SEMA5B: variants seen among roughly 807,000 people sequenced by gnomAD.
The protein encoded by SEMA5B is semaphorin 5B.
A neutral mutation model predicts 135.0 loss-of-function variants in SEMA5B; 66 were observed. The observed-to-expected ratio is 0.49, with a 90% confidence interval of 0.40 to 0.60. The LOEUF is 0.60. Among genes scored for constraint, SEMA5B ranks in the 20% least tolerant of loss-of-function variants. The pLI is 0.00. For missense variants in SEMA5B, 1,501 were observed against 1,566.3 expected, an observed-to-expected ratio of 0.96 and a Z score of 0.70; for synonymous variants, 690 against 639.5, an observed-to-expected ratio of 1.08 and a Z score of -1.19.
intron 2 of SEMA5B, among the ~76,000 whole-genome samples, chr3:122,952,229 A>C (rs1940085086): frequency 2.6e-5 from 4 of 152,150 alleles, no homozygotes; most frequent in Admixed American, 2.6e-4. Context: ...ACTCACATGG[A>C]ATTTATCCTC....
intron 1 of SEMA5B, chr3:122,993,389 A>T (rs1941936165): frequency 6.6e-6 from 1 of 152,172 alleles, no homozygotes; most frequent in South Asian, 2.1e-4. Flanking sequence ...TGTTTCCTCA[A>T]AGCTGCCTGA....
chr3:122,988,982 G>T (rs1277411476), intron 1 of SEMA5B, among the ~76,000 whole-genome samples: 1 of 152,242 alleles, frequency 6.6e-6, no homozygotes, highest in African/African-American at 2.4e-5. Flanking sequence ...ATCCCATCGC[G>T]TAATCCCACC....
At chr3:122,956,852 G>A (rs1940342005) in intron 2 of SEMA5B, among the ~76,000 whole-genome samples, 1 of 152,174 alleles carries the variant, frequency 6.6e-6, no homozygotes, top group Admixed American at 6.5e-5. Flanking sequence ...GGGAAAAAAC[G>A]TCCTGGGAAA....
intron 9 of SEMA5B, among the ~76,000 whole-genome samples, chr3:122,924,374 G>A (rs773625260): frequency 6.6e-6 from 1 of 152,030 alleles, no homozygotes; most frequent in Non-Finnish European, 1.5e-5. Context: ...TCTCCCAAAT[G>A]TGTCCATTTC....
At chr3:122,925,451 G>C (rs903546110) in intron 9 of SEMA5B, among the ~76,000 whole-genome samples, 1 of 151,980 alleles carries the variant, frequency 6.6e-6, no homozygotes, top group African/African-American at 2.4e-5. Context: ...GGCAGATCAC[G>C]AGGTCAGGAG....
At chr3:122,917,084 A>C (rs1239037360) in intron 12 of SEMA5B, among the ~76,000 whole-genome samples, 1 of 152,224 alleles carries the variant, frequency 6.6e-6, no homozygotes, top group Admixed American at 6.5e-5. Context: ...TTTGCTATCC[A>C]TTGCTAAGTA....
At chr3:122,928,037 C>T (rs1004177554) in intron 7 of SEMA5B, 34 bp from the exon 8 acceptor site, 1 of 1,413,782 alleles carries the variant, frequency 7.1e-7, no homozygotes, top group Non-Finnish European at 9.4e-7. Flanking sequence ...ACACTTTTCC[C>T]TGAGGCCCTG....
chr3:122,985,251 G>A (rs1941662781), intron 1 of SEMA5B, among the ~76,000 whole-genome samples: 1 of 152,206 alleles, frequency 6.6e-6, no homozygotes, highest in African/African-American at 2.4e-5. Context: ...CCAGCACTTT[G>A]AGAGGCCAAG....
chr3:122,979,263 C>T (rs1016469020), intron 1 of SEMA5B, among the ~76,000 whole-genome samples: 5 of 152,158 alleles, frequency 3.3e-5, no homozygotes, highest in African/African-American at 9.7e-5. Context: ...CATTCAGGAT[C>T]GGAGCAGCAG....
rs375396447 is a variant in SEMA5B at position 122,926,630 on chromosome 3, A to G, written c.898T>C (p.Phe300Leu). ...AYDIGLFAYF[F>L]LRENAVEHDC... ...TGCTCCACTGCGTTCTCCCGCAGGA[A>G]GAAGTATGCAAACAGCCCAATATCA... The change falls in exon 9 of 23, where the codon TTC (phenylalanine) becomes CTC (leucine). Residue 300 changes from phenylalanine (F) to leucine (L), a missense_variant. Around this residue, in one of 2 missense-constraint regions of SEMA5B, gnomAD observed 574 missense variants for 684.7 expected, o/e 0.84. Transcript: ENST00000357599. The G allele has an allele frequency of 4.3e-6, 7 of 1,614,236 alleles. No homozygotes were observed. Among genetic ancestry groups the G allele is most frequent in the Non-Finnish European group, 5.9e-6 (7 of 1,180,026 alleles).
At chr3:123,017,014 C>T (rs1001836976) in intron 1 of SEMA5B, among the ~76,000 whole-genome samples, 1 of 151,542 alleles carries the variant, frequency 6.6e-6, no homozygotes, top group African/African-American at 2.4e-5. Context: ...GCCTCAGCCT[C>T]CTGAGTAGCT....
At position 122,913,374 on chromosome 3, in the gene SEMA5B, G is replaced by A. The variant is rs972254683; in HGVS notation, c.2331C>T (p.Thr777=). 2 of 1,581,338 alleles carry A rather than the reference G, an allele frequency of 1.3e-6. No individual in the cohort carries two copies. Among genetic ancestry groups the A allele is most frequent in the African/African-American group, 2.7e-5 (2 of 74,536 alleles). Residue 777 remains threonine, a synonymous_variant, in exon 17 of 23, where the codon ACC becomes ACT. Transcript: ENST00000357599. ...TCACGGGCAGCCACGGCGTCCAGGGGGTGTTGCGCCGCACTTCGGGGCAGC... is the reference window on the plus strand; with the variant it reads ...TCACGGGCAGCCACGGCGTCCAGGGAGTGTTGCGCCGCACTTCGGGGCAGC... The part of the protein sequence containing the change: ...PEGCPEVRRN[T]PWTPWLPVNV...
chr3:122,921,794 G>T, intron 12 of SEMA5B, 121 bp downstream of exon 12: 1 of 740,622 alleles, frequency 1.4e-6, no homozygotes, highest in Non-Finnish European at 2.1e-6. Context: ...GGAGTGACTT[G>T]TCCTAAGGCA....
At chr3:123,024,406 C>T (rs1016421545) in intron 1 of SEMA5B, among the ~76,000 whole-genome samples, 1 of 152,198 alleles carries the variant, frequency 6.6e-6, no homozygotes, top group African/African-American at 2.4e-5. Context: ...TCTCATCTAA[C>T]CCTATTGCTA....
chr3:122,921,524 C>T (rs1421991832), intron 12 of SEMA5B, among the ~76,000 whole-genome samples: 1 of 152,196 alleles, frequency 6.6e-6, no homozygotes, highest in Non-Finnish European at 1.5e-5. Flanking sequence ...GTCCCCACAT[C>T]TGGGCAATAA....
chr3:122,946,043 A>G (rs1939778909), intron 3 of SEMA5B, among the ~76,000 whole-genome samples: 2 of 152,130 alleles, frequency 1.3e-5, no homozygotes, highest in African/African-American at 4.8e-5. Flanking sequence ...TTAAAACACC[A>G]AGCACGTTCC....
chr3:122,948,463 C>T, intron 3 of SEMA5B, 43 bp downstream of exon 3: 1 of 1,535,226 alleles, frequency 6.5e-7, no homozygotes, highest in Non-Finnish European at 8.9e-7. Context: ...TCCTTCAGGA[C>T]ACGGCCATTG....
intron 2 of SEMA5B, among the ~76,000 whole-genome samples, chr3:122,954,293 G>A (rs116208486): frequency 6.6e-6 from 1 of 152,328 alleles, no homozygotes; most frequent in African/African-American, 2.4e-5. Flanking sequence ...GGAGACAGAG[G>A]CATGCTGACA....
Position 122,915,770 on chromosome 3 carries a change from C to T in SEMA5B, c.1806+3G>A. On this transcript the variant is annotated splice_donor_region_variant and intron_variant, in intron 13 of 22. Coordinates refer to ENST00000357599, the MANE Select transcript of SEMA5B (RefSeq NM_001031702.4). ...AGATGGGAGGACACAAGGGGATTCTCACAGGACAGGCGGTGATGTTCTGGG... is the reference window on the plus strand; with the variant it reads ...AGATGGGAGGACACAAGGGGATTCTTACAGGACAGGCGGTGATGTTCTGGG... 6.2e-7 allele frequency: 1 copy of T among 1,613,888 alleles called. No individual in the cohort carries two copies. Among genetic ancestry groups the T allele is most frequent in the South Asian group, 1.1e-5 (1 of 91,086 alleles).
Sources: allele counts gnomAD v4.1 joint callset (sites outside exome capture counted in the v4.1 genomes callset), GRCh38; gene constraint gnomAD v4.1.1; regional missense constraint gnomAD v4.1.1; transcripts MANE v1.5; gene names NCBI Gene and HGNC (gene_info 2026-07-23, HGNC 2026-07-21).